Variants in MTUS2 observed in about 807,000 individuals in gnomAD.
MTUS2 encodes the protein microtubule-associated tumor suppressor candidate 2.
Under a neutral mutation model 114.1 loss-of-function variants are expected in MTUS2, and 40 were observed. The observed-to-expected ratio is 0.35, with a 90% CI of 0.27 to 0.46. The LOEUF is 0.46. MTUS2 is among the 20% of genes least tolerant of loss of function. The pLI, the probability that MTUS2 is intolerant of heterozygous loss-of-function variation, is 1.00. For missense variants in MTUS2, 1,679 were observed against 1,705.4 expected (o/e 0.98, Z 0.27); for synonymous variants, 688 against 672.0 (o/e 1.02, Z -0.37).
chr13:29,041,267 C>A (rs1267009288), intron 4 of MTUS2, among the ~76,000 whole-genome samples: 1 of 152,040 alleles, frequency 6.6e-6, no homozygotes, highest in Non-Finnish European at 1.5e-5. Flanking sequence ...AGGTATTTGG[C>A]TTTATTTCTG....
At chr13:28,920,308 T>C (rs1176785296) in intron 2 of MTUS2, among the ~76,000 whole-genome samples, 1 of 152,246 alleles carries the variant, frequency 6.6e-6, no homozygotes, top group Non-Finnish European at 1.5e-5. Context: ...CTGTGGTTCT[T>C]GCAGACACAT....
chr13:29,052,902 A>G (rs1028202723), intron 4 of MTUS2, among the ~76,000 whole-genome samples: 3 of 152,112 alleles, frequency 2.0e-5, no homozygotes, highest in Non-Finnish European at 4.4e-5. Flanking sequence ...TTCTTGTGAT[A>G]GTGAGTTAGT....
chr13:29,289,985 C>T lies in MTUS2; in HGVS notation c.2806+8120C>T, dbSNP rs569349844. ...CTGCCCATGATCAAATTTCTTTTTC[C>T]CCTGAATTTCCCCCTCAGAAACCTG... is the stretch of plus-strand genomic sequence containing the variant. On this transcript the variant is annotated intron_variant, in intron 6 of 15. Coordinates refer to ENST00000612955, the MANE Select transcript of MTUS2 (RefSeq NM_001033602.4). Among the ~76,000 whole-genome samples, 3 of 152,200 alleles carry T rather than the reference C, an allele frequency of 2.0e-5. No individual in the cohort carries two copies. The East Asian group carries it at 5.8e-4, about 29-fold the overall frequency.
At chr13:28,966,788 G>A (rs1883616746) in intron 2 of MTUS2, among the ~76,000 whole-genome samples, 1 of 150,470 alleles carries the variant, frequency 6.6e-6, no homozygotes, top group Non-Finnish European at 1.5e-5. Context: ...TTCTCAAACT[G>A]GGAAGGTTTA....
At chr13:29,460,595 CT>C (rs1455868519) in intron 9 of MTUS2, among the ~76,000 whole-genome samples, 1 of 152,180 alleles carries the variant, frequency 6.6e-6, no homozygotes, top group Non-Finnish European at 1.5e-5. Context: ...TCCTCAAGTC[CT>C]GTTTTTCCTT....
chr13:28,867,520 A>G (rs1344150210), intron 2 of MTUS2, among the ~76,000 whole-genome samples: 2 of 152,198 alleles, frequency 1.3e-5, no homozygotes, highest in Non-Finnish European at 2.9e-5. Context: ...TTTCTGCCAA[A>G]TATCAGCTTG....
At chr13:29,169,839 G>A (rs1453388178) in intron 5 of MTUS2, among the ~76,000 whole-genome samples, 1 of 152,164 alleles carries the variant, frequency 6.6e-6, no homozygotes, top group African/African-American at 2.4e-5. Flanking sequence ...GATGGCAAGC[G>A]AGTTGCAGAC....
chr13:28,990,498 A>G (rs901697240), intron 2 of MTUS2, among the ~76,000 whole-genome samples: 3 of 152,178 alleles, frequency 2.0e-5, no homozygotes, highest in African/African-American at 7.2e-5. Context: ...TTGTAAATGC[A>G]CCAATCAGCA....
rs554544835 is a variant in MTUS2, at chr13:29,326,402, G to A, written c.2905+1691G>A. ...AAGGTCCTTATATTCTAGAGAAAGA[G>A]TAAAAATAATATGTAATTTTAGACT... On this transcript the variant is annotated intron_variant, in intron 7 of 15. Transcript: ENST00000612955. Among the ~76,000 whole-genome samples, 211 of 152,166 alleles carry A rather than the reference G, an allele frequency of 1.4e-3. 1 individual carries two copies. The highest frequency in any genetic ancestry group is 5.0e-3 in the African/African-American group (206 of 41,504).
At chr13:29,079,588 T>C (rs1889351989) in intron 4 of MTUS2, among the ~76,000 whole-genome samples, 2 of 152,208 alleles carry the variant, frequency 1.3e-5, no homozygotes, top group South Asian at 2.1e-4. Context: ...TTTTAAAATA[T>C]AGATGAATAG....
chr13:28,975,389 A>G (rs541098734), intron 2 of MTUS2, among the ~76,000 whole-genome samples: 1 of 152,232 alleles, frequency 6.6e-6, no homozygotes, highest in East Asian at 1.9e-4. Flanking sequence ...GTCCTGTTAG[A>G]GTTCTCCTGG....
intron 5 of MTUS2, among the ~76,000 whole-genome samples, chr13:29,244,836 G>A (rs968769794): frequency 1.5e-4 from 23 of 148,494 alleles, no homozygotes; most frequent in African/African-American, 5.7e-4. Flanking sequence ...GGCGCCTGTA[G>A]TCCCAGCTAC....
At chr13:29,363,377 GGT>G (rs1279420252) in intron 8 of MTUS2, among the ~76,000 whole-genome samples, 1 of 151,978 alleles carries the variant, frequency 6.6e-6, no homozygotes, top group East Asian at 1.9e-4. Context: ...TGTAGATGAT[GGT>G]TTTGAATTTT....
chr13:29,302,404 C>T (rs1266409160), intron 6 of MTUS2, among the ~76,000 whole-genome samples: 1 of 152,140 alleles, frequency 6.6e-6, no homozygotes, highest in Non-Finnish European at 1.5e-5. Context: ...TGGGTCTATA[C>T]ACAGAGCTGT....
intron 2 of MTUS2, among the ~76,000 whole-genome samples, chr13:29,003,422 A>G (rs1885469342): frequency 6.6e-6 from 1 of 152,206 alleles, no homozygotes; most frequent in Non-Finnish European, 1.5e-5. Flanking sequence ...TTCAGCTTAT[A>G]GTCTTGAATT....
chr13:28,837,030 G>C (rs1221467948), intron 1 of MTUS2, among the ~76,000 whole-genome samples: 2 of 152,168 alleles, frequency 1.3e-5, no homozygotes, highest in African/African-American at 4.8e-5. Flanking sequence ...GTTGCTATGA[G>C]GATTAAGTGA....
chr13:29,129,608 ATG>A (rs1234560444), intron 5 of MTUS2, among the ~76,000 whole-genome samples: 1 of 151,606 alleles, frequency 6.6e-6, no homozygotes, highest in Non-Finnish European at 1.5e-5. Context: ...GGTACGTGTG[ATG>A]TTTTGTTACA....
intron 5 of MTUS2, among the ~76,000 whole-genome samples, chr13:29,245,918 T>C (rs3011466): frequency 0.22 from 33,789 of 152,010 alleles, 3,922 homozygotes; most frequent in East Asian, 0.42. Flanking sequence ...AGGATGGTCT[T>C]GATCTCCTGA....
intron 2 of MTUS2, among the ~76,000 whole-genome samples, chr13:28,846,433 C>T (rs1388551300): frequency 6.6e-6 from 1 of 152,218 alleles, no homozygotes; most frequent in Non-Finnish European, 1.5e-5. Flanking sequence ...TCCACCAGGA[C>T]ATACAGATAC....
Sources: allele counts gnomAD v4.1 joint callset (sites outside exome capture counted in the v4.1 genomes callset), GRCh38; gene constraint gnomAD v4.1.1; transcripts MANE v1.5; gene names NCBI Gene and HGNC (gene_info 2026-07-23, HGNC 2026-07-21).